FRYL: variants seen among roughly 807,000 people sequenced by gnomAD.
FRYL encodes FRY like transcription coactivator.
FRYL carries 150 observed loss-of-function variants against 351.2 expected under a neutral mutation model. That is an observed-to-expected ratio of 0.43 (90% CI 0.37 to 0.49). The LOEUF (loss-of-function observed/expected upper bound fraction) is 0.49. Ranked by LOEUF, FRYL falls within the 20% of genes least tolerant of loss-of-function variation. The pLI is 0.00. For synonymous variants in FRYL, 1,153 were observed against 1,257.1 expected, an observed-to-expected ratio of 0.92 and a Z score of 1.75; for missense variants, 3,036 against 3,619.3, an observed-to-expected ratio of 0.84 and a Z score of 4.13.
chr4:48,713,123 T>G (rs897100298), intron 1 of FRYL, among the ~76,000 whole-genome samples: 84 of 151,770 alleles, frequency 5.5e-4, no homozygotes, highest in African/African-American at 2.0e-3. Flanking sequence ...CGCTGCAAAA[T>G]CATGCCAAAA....
Position 48,498,444 on chromosome 4 carries a change from A to G in FRYL, c.*978T>C, listed in dbSNP as rs998641249. 8 of 152,614 alleles carry G rather than the reference A, an allele frequency of 5.2e-5. No individual in the cohort carries two copies. The highest frequency in any genetic ancestry group is 4.6e-4 in the Admixed American group (7 of 15,282). 9.5% of individuals were successfully genotyped at this position (152,614 alleles called of 1,614,324 possible). A position where few individuals can be genotyped will look rare whatever the true frequency, so the allele number is the denominator to read the frequency against. ...ACTGGTTTTAGTCTCTACAGTTTCT[A>G]TATGGAGTAAAATAAGTTAAAACTT... On this transcript the variant is annotated 3_prime_UTR_variant, in exon 64 of 64. Transcript: ENST00000358350.
At chr4:48,622,604 A>T (rs1203873905) in intron 5 of FRYL, among the ~76,000 whole-genome samples, 2 of 152,180 alleles carry the variant, frequency 1.3e-5, no homozygotes, top group Admixed American at 1.3e-4. Context: ...AAAGTGTCCC[A>T]GGAGTACTAG....
chr4:48,557,520 C>T lies in FRYL; in HGVS notation c.4058G>A (p.Gly1353Glu), dbSNP rs759816498. The T allele has an allele frequency of 6.2e-7, 1 of 1,614,174 alleles. No homozygotes were observed. The highest frequency in any genetic ancestry group is 1.1e-5 in the South Asian group (1 of 91,078). Residue 1353 changes from glycine to glutamate, a missense_variant, in exon 34 of 64, where the codon GGA becomes GAA. By Grantham distance (98) the Gly-to-Glu change is moderately conservative. Around this residue, in one of 7 missense-constraint regions of FRYL, gnomAD observed 1,987 missense variants for 2,311.7 expected, o/e 0.86. Transcript: ENST00000358350. ...GGCTTGTGGAGATCCCCATCCTTCT[C>T]CCCGTAACCAGCGCCTACTAGTCAC... ...LMVTSRRWLRGEGWGSPQATA... is the reference protein window; with the variant it reads ...LMVTSRRWLREEGWGSPQATA...
At chr4:48,759,352 T>A (rs1421234443) in intron 1 of FRYL, among the ~76,000 whole-genome samples, 1 of 152,244 alleles carries the variant, frequency 6.6e-6, no homozygotes, top group African/African-American at 2.4e-5. Context: ...GTTAGCAGGT[T>A]GTGTTAAGAA....
intron 19 of FRYL, among the ~76,000 whole-genome samples, chr4:48,583,351 C>T (rs1268128306): frequency 6.6e-6 from 1 of 152,074 alleles, no homozygotes; most frequent in African/African-American, 2.4e-5. Flanking sequence ...CGGGGTTTCA[C>T]CGTCTTAGCC....
intron 2 of FRYL, among the ~76,000 whole-genome samples, chr4:48,708,781 ATGGGGTCTTGCTGTGT>A (rs1767665819): frequency 6.6e-6 from 1 of 151,982 alleles, no homozygotes; most frequent in Non-Finnish European, 1.5e-5. Flanking sequence ...TTCTGTAGAG[ATGGGGTCTTGCTGTGT>A]TGCCCAGGCT....
Position 48,586,715 on chromosome 4 carries a change from G to A in FRYL, c.1654C>T (p.Pro552Ser). 6.2e-7 allele frequency: 1 copy of A among 1,605,570 alleles called. No homozygotes were observed. The part of the protein sequence containing the change: ...PEDMITGERK[P>S]KIDLFRTCIA... ...CAAGTTCTAAACAAATCAATCTTGG[G>A]TTTTCTTTCCCCCCTGAAAAATACA... Residue 552 changes from proline to serine, a missense_variant, in exon 19 of 64, where the codon CCC (proline) becomes TCC (serine). Physicochemically the swap from Pro to Ser is moderately conservative, Grantham distance 74 (BLOSUM62 -1). Transcript: ENST00000358350.
intron 36 of FRYL, 95 bp from the exon 37 acceptor site, chr4:48,551,673 C>T (rs1732776048): frequency 5.3e-6 from 4 of 750,316 alleles, no homozygotes; most frequent in Non-Finnish European, 8.9e-6. Flanking sequence ...CAAAACTTAA[C>T]TAAAATGAGA....
chr4:48,764,162 T>C (rs1774705455), intron 1 of FRYL, among the ~76,000 whole-genome samples: 1 of 151,982 alleles, frequency 6.6e-6, no homozygotes, highest in African/African-American at 2.4e-5. Flanking sequence ...AGAGCAAGAC[T>C]CTATCTCAAA....
intron 1 of FRYL, among the ~76,000 whole-genome samples, chr4:48,755,618 C>T (rs1294618129): frequency 5.9e-5 from 9 of 152,164 alleles, no homozygotes; most frequent in Non-Finnish European, 1.0e-4. Context: ...TCTAATAATC[C>T]TCTCTAAAAA....
chr4:48,551,707 T>C, intron 36 of FRYL, 129 bp from the exon 37 acceptor site: 1 of 613,404 alleles, frequency 1.6e-6, no homozygotes, highest in Non-Finnish European at 2.8e-6. Context: ...AAAAAAGGAA[T>C]GTACTCATAA....
intron 4 of FRYL, among the ~76,000 whole-genome samples, chr4:48,633,206 C>G (rs186476982): frequency 1.4e-3 from 207 of 152,242 alleles, no homozygotes; most frequent in African/African-American, 4.9e-3. Context: ...GGCAGAGAGT[C>G]AAAGTTACTT....
chr4:48,543,576 T>G (rs974694433), intron 44 of FRYL, among the ~76,000 whole-genome samples: 1 of 152,140 alleles, frequency 6.6e-6, no homozygotes, highest in African/African-American at 2.4e-5. Flanking sequence ...GTTGTGTGAG[T>G]GGGCGAGTGT....
chr4:48,540,143 G>T, intron 46 of FRYL, 75 bp from the exon 47 acceptor site: 1 of 1,263,496 alleles, frequency 7.9e-7, no homozygotes, highest in Non-Finnish European at 1.1e-6. Flanking sequence ...TATTTTTTTA[G>T]ATGGTTCACA....
At position 48,543,875 on chromosome 4, in the gene FRYL, C is replaced by T; in HGVS notation, c.5524G>A (p.Ala1842Thr). The T allele has an allele frequency of 1.9e-6, 3 of 1,613,876 alleles. No individual in the cohort carries two copies. Among genetic ancestry groups the T allele is most frequent in the Non-Finnish European group, 2.5e-6 (3 of 1,179,846 alleles). The change falls in exon 44 of 64, where the codon GCA (alanine) becomes ACA (threonine). Residue 1842 changes from alanine (A) to threonine (T), a missense_variant. Physicochemically the swap from Ala to Thr is moderately conservative, Grantham distance 58. Transcript: ENST00000358350. ...IFRALKQPLT[A>T]TTLSDVLSRL... ...GAGAGAACATCAGAAAGTGTAGTTGCAGTGAGAGGCTGCTTTAGGGCCCTG... is the reference window on the plus strand; with the variant it reads ...GAGAGAACATCAGAAAGTGTAGTTGTAGTGAGAGGCTGCTTTAGGGCCCTG...
intron 55 of FRYL, among the ~76,000 whole-genome samples, chr4:48,516,750 G>A (rs1349039043): frequency 6.6e-6 from 1 of 152,164 alleles, no homozygotes; most frequent in Non-Finnish European, 1.5e-5. Context: ...TAGTCTAACA[G>A]GGTTAGGCTA....
intron 18 of FRYL, among the ~76,000 whole-genome samples, chr4:48,588,749 C>A (rs1429351672): frequency 6.6e-6 from 1 of 152,192 alleles, no homozygotes. Flanking sequence ...CAGTGTCCCC[C>A]ACCCACCTGT....
intron 6 of FRYL, among the ~76,000 whole-genome samples, chr4:48,620,253 T>C (rs1214664864): frequency 1.3e-5 from 2 of 152,222 alleles, no homozygotes; most frequent in Non-Finnish European, 2.9e-5. Context: ...ACACAGGGTT[T>C]TGGCAGTCTT....
intron 2 of FRYL, among the ~76,000 whole-genome samples, chr4:48,696,158 C>T (rs1159473208): frequency 1.3e-5 from 2 of 152,022 alleles, no homozygotes; most frequent in Non-Finnish European, 2.9e-5. Context: ...ACCATTTGAT[C>T]CAGCAATCCC....
Sources: gnomAD v4.1 joint callset for allele counts (sites outside exome capture counted in the v4.1 genomes callset) on GRCh38, gnomAD v4.1.1 for gene constraint, gnomAD v4.1.1 regional missense constraint, MANE v1.5 for transcripts, NCBI Gene and HGNC (gene_info 2026-07-23, HGNC 2026-07-21) for gene names.